Variants in CFAP418 observed in about 807,000 individuals in gnomAD.
CFAP418 encodes the protein cilia and flagella associated protein 418, also known as cilia- and flagella-associated protein 418.
Under a neutral mutation model 24.7 loss-of-function variants are expected in CFAP418, and 27 were observed. The observed-to-expected ratio is 1.09, with a 90% confidence interval of 0.81 to 1.51. The LOEUF (loss-of-function observed/expected upper bound fraction) is 1.51, where lower values mean the gene tolerates loss of function less well. Ranked by LOEUF, CFAP418 falls within the 40% of genes most tolerant of loss-of-function variation. The pLI, the probability that CFAP418 is intolerant of heterozygous loss-of-function variation, is 0.00. For synonymous variants in CFAP418, 74 were observed against 87.3 expected (o/e 0.85, Z 0.85); for missense variants, 257 against 255.2 (o/e 1.01, Z -0.05).
At chr8:95,264,001 A>C (rs1811934813) in intron 1 of CFAP418, among the ~76,000 whole-genome samples, 1 of 152,230 alleles carries the variant, frequency 6.6e-6, no homozygotes. Flanking sequence ...TTGATATTAC[A>C]TACTTCAGAC....
At position 95,246,587 on chromosome 8, in the gene CFAP418, A is replaced by C. The variant is rs1811624571; in HGVS notation, c.*1030T>G. 1 of 152,178 alleles carries C rather than the reference A, an allele frequency of 6.6e-6. No individual in the cohort carries two copies. The highest frequency in any genetic ancestry group is 1.5e-5 in the Non-Finnish European group (1 of 68,040). The allele number at this position is 152,178 out of a possible 1,614,324, so 9.4% of individuals were successfully genotyped here. A position where few individuals can be genotyped will look rare whatever the true frequency, so the allele number is the denominator to read the frequency against. On this transcript the variant is annotated 3_prime_UTR_variant, in exon 6 of 6. Coordinates refer to ENST00000286688, the MANE Select transcript of CFAP418 (RefSeq NM_177965.4). ...TTGTGGCAGATTGGAAAGCTCCCAA[A>C]ATCTCTCAATGGGGTTGGGAGCTAG... is the stretch of plus-strand genomic sequence containing the variant.
At chr8:95,268,833 C>G in intron 1 of CFAP418, 2 of 526,288 alleles carry the variant, frequency 3.8e-6, no homozygotes, top group Non-Finnish European at 6.7e-6. Context: ...GGAGTCTGCG[C>G]TGAGTGAAGA....
intron 5 of CFAP418, 130 bp downstream of exon 5, chr8:95,252,058 G>A (rs62522659): frequency 0.17 from 103,595 of 623,704 alleles, 9,257 homozygotes; most frequent in South Asian, 0.26. Flanking sequence ...GCATCATAAC[G>A]CAGCACATGA....
At chr8:95,252,537 A>G (rs1211774051) in intron 4 of CFAP418, among the ~76,000 whole-genome samples, 3 of 152,242 alleles carry the variant, frequency 2.0e-5, no homozygotes, top group East Asian at 1.9e-4. Flanking sequence ...TATATTATAT[A>G]GATATGAAAG....
intron 4 of CFAP418, among the ~76,000 whole-genome samples, chr8:95,254,292 C>T (rs958220477): frequency 1.3e-5 from 2 of 152,166 alleles, no homozygotes; most frequent in African/African-American, 4.8e-5. Context: ...AAGTGAAAGA[C>T]AAATCTTTTT....
chr8:95,255,544 T>C (rs1185885445), intron 4 of CFAP418, among the ~76,000 whole-genome samples: 2 of 152,238 alleles, frequency 1.3e-5, no homozygotes, highest in African/African-American at 4.8e-5. Context: ...ATGTCACATA[T>C]CAAATGGAAA....
In CFAP418 at chr8:95,244,944, A is replaced by G. The variant is rs1037799261; in HGVS notation, c.*2673T>C. On this transcript the variant is annotated 3_prime_UTR_variant, in exon 6 of 6. Coordinates refer to ENST00000286688, the MANE Select transcript of CFAP418 (RefSeq NM_177965.4). ...TCCATCCAAATGAATATTTTACTAT[A>G]AAATAAAAGAAGTAAATAATACAGA... 1 of 152,158 alleles carries G rather than the reference A, an allele frequency of 6.6e-6. No individual in the cohort carries two copies. The highest frequency in any genetic ancestry group is 1.5e-5 in the Non-Finnish European group (1 of 68,034). 9.4% of individuals were successfully genotyped at this position (152,158 alleles called of 1,614,324 possible).
chr8:95,251,466 T>C (rs1472559350), intron 5 of CFAP418, among the ~76,000 whole-genome samples: 1 of 152,140 alleles, frequency 6.6e-6, no homozygotes, highest in Admixed American at 6.5e-5. Context: ...CAAAGCTGGA[T>C]GATGGATGGA....
chr8:95,249,101 A>C (rs2132152713), intron 5 of CFAP418, among the ~76,000 whole-genome samples: 1 of 152,326 alleles, frequency 6.6e-6, no homozygotes, highest in East Asian at 1.9e-4. Context: ...TTGAGGAAAA[A>C]TGTCCTTTAT....
chr8:95,249,470 A>G (rs3927027), intron 5 of CFAP418, among the ~76,000 whole-genome samples: 23,111 of 152,086 alleles, frequency 0.15, 1,907 homozygotes, highest in South Asian at 0.24. Flanking sequence ...CGAGACCAGC[A>G]TGGGCAACAT....
Position 95,247,447 on chromosome 8 carries a change from T to G in CFAP418, c.*170A>C. Reference sequence around the variant, plus strand: ...AATAATTCCAAAGTGTTATAATACATGATCTTCCTTAGTCCATTTGGTCTT... The same window carrying G: ...AATAATTCCAAAGTGTTATAATACAGGATCTTCCTTAGTCCATTTGGTCTT... On this transcript the variant is annotated 3_prime_UTR_variant, in exon 6 of 6. Transcript: ENST00000286688. The G allele has an allele frequency of 1.5e-6, 1 of 661,370 alleles. No homozygotes were observed. 41.0% of individuals were successfully genotyped at this position (661,370 alleles called of 1,614,324 possible).
chr8:95,248,596 C>T (rs560124607), intron 5 of CFAP418, among the ~76,000 whole-genome samples: 1 of 152,142 alleles, frequency 6.6e-6, no homozygotes, highest in South Asian at 2.1e-4. Flanking sequence ...ATTAAATCAA[C>T]AAGTAGGGCC....
In CFAP418 at chr8:95,269,095, C is replaced by G; in HGVS notation, c.95G>C (p.Gly32Ala). The G allele has an allele frequency of 3.1e-6, 5 of 1,614,174 alleles. No homozygotes were observed. Among genetic ancestry groups the G allele is most frequent in the Non-Finnish European group, 4.2e-6 (5 of 1,180,014 alleles). ...LRRGMVEQPK[G>A]CGGGTHSSDR... Reference sequence around the variant, plus strand: ...GCTACTGTGGGTGCCGCCGCCGCAGCCTTTGGGCTGCTCGACCATACCCCG... The same window carrying G: ...GCTACTGTGGGTGCCGCCGCCGCAGGCTTTGGGCTGCTCGACCATACCCCG... The change falls in exon 1 of 6, where the codon GGC becomes GCC. Residue 32 changes from glycine (G) to alanine (A), a missense_variant. Transcript: ENST00000286688.
chr8:95,256,322 C>T (rs1287154733), intron 4 of CFAP418, among the ~76,000 whole-genome samples: 2 of 152,104 alleles, frequency 1.3e-5, no homozygotes, highest in Admixed American at 6.5e-5. Flanking sequence ...AGATTCTTGT[C>T]CCTGAGATAT....
intron 5 of CFAP418, 76 bp downstream of exon 5, chr8:95,252,112 C>A: frequency 8.8e-7 from 1 of 1,131,024 alleles, no homozygotes. Flanking sequence ...CTGAATCCAC[C>A]CAGAGAGAAT....
rs929421093 is a variant in CFAP418, at chr8:95,245,953, T to C, written c.*1664A>G. On this transcript the variant is annotated 3_prime_UTR_variant, in exon 6 of 6. Transcript: ENST00000286688. ...ACATATAGATATAACTTTAGGGATA[T>C]AATACATTTTTATTAAAAGATAAAA... is the stretch of plus-strand genomic sequence containing the variant. The C allele has an allele frequency of 3.3e-5, 5 of 152,232 alleles. No homozygotes were observed. The highest frequency in any genetic ancestry group is 3.4e-3 in the Middle Eastern group (1 of 294). The allele number at this position is 152,232 out of a possible 1,614,324, so 9.4% of individuals were successfully genotyped here.
At position 95,259,890 on chromosome 8, in the gene CFAP418, G is replaced by A. The variant is rs1206218215; in HGVS notation, c.324C>T (p.Tyr108=). The change falls in exon 4 of 6, where the codon TAC becomes TAT. Residue 108 remains tyrosine, a synonymous_variant. Coordinates refer to ENST00000286688, the MANE Select transcript of CFAP418 (RefSeq NM_177965.4). ...CACATGGAATAGAGCTTCCACCAAG[G>A]TACACCGGACTGCAACTAGATGTGT... ...EGLGKSCSPV[Y]LGGSSIPCGI... 1.9e-6 allele frequency: 3 copies of A among 1,606,048 alleles called. No homozygotes were observed. Among genetic ancestry groups the A allele is most frequent in the South Asian group, 2.2e-5 (2 of 89,136 alleles).
chr8:95,251,358 A>T (rs1001623674), intron 5 of CFAP418, among the ~76,000 whole-genome samples: 8 of 152,234 alleles, frequency 5.3e-5, no homozygotes, highest in Admixed American at 3.3e-4. Flanking sequence ...AGGCATCCCA[A>T]GAGGTAAAGA....
rs145618806 is a variant in CFAP418 at position 95,250,936 on chromosome 8, G to A, written c.470+1252C>T. On this transcript the variant is annotated intron_variant, in intron 5 of 5. Transcript: ENST00000286688. ...CCCAAGAATGGCTGCCAAAAAAGGCGTAGGGGAAAGTCTCTTACCCTTTTC... is the reference window on the plus strand; with the variant it reads ...CCCAAGAATGGCTGCCAAAAAAGGCATAGGGGAAAGTCTCTTACCCTTTTC... Among the ~76,000 whole-genome samples the A allele has an allele frequency of 2.3e-3, 348 of 152,306 alleles. 4 individuals carry two copies. The highest frequency in any genetic ancestry group is 3.8e-3 in the Non-Finnish European group (259 of 68,020).
Sources: allele counts gnomAD v4.1 joint callset (sites outside exome capture counted in the v4.1 genomes callset), GRCh38; gene constraint gnomAD v4.1.1; transcripts MANE v1.5; gene names NCBI Gene and HGNC (gene_info 2026-07-23, HGNC 2026-07-21).